PPP1CC: variants seen among roughly 807,000 people sequenced by gnomAD.
The protein encoded by PPP1CC is protein phosphatase 1 catalytic subunit gamma.
In PPP1CC, 16 loss-of-function variants were observed where a neutral mutation model predicts 38.4. The ratio of observed to expected loss-of-function variants is 0.42; its 90% CI spans 0.28 to 0.63. PPP1CC has a LOEUF of 0.63. Among genes scored for constraint, PPP1CC ranks in the 30% least tolerant of loss-of-function variants. The pLI is 0.25. For synonymous variants in PPP1CC, 158 were observed against 136.0 expected (o/e 1.16, Z -1.13); for missense variants, 170 against 391.3 (o/e 0.43, Z 4.77).
chr12:110,739,298 ACT>A (rs1333937132), intron 1 of PPP1CC, among the ~76,000 whole-genome samples: 2 of 151,728 alleles, frequency 1.3e-5, no homozygotes, highest in Non-Finnish European at 2.9e-5. Context: ...ACAGAGTGAG[ACT>A]CTGTCTCCAA....
At chr12:110,716,088 TATGTCTTCCTTCTCAATTC>T, downstream of PPP1CC, among the ~76,000 whole-genome samples, 1 of 149,200 alleles carries the variant, frequency 6.7e-6, no homozygotes, top group African/African-American at 2.5e-5. Flanking sequence ...GGTAAAGACT[TATGTCTTCCTTCTCAATTC>T]CTAGACTTAA....
chr12:110,714,085 C>A, the PPP1CC span, among the ~76,000 whole-genome samples: 19 of 152,134 alleles, frequency 1.2e-4, no homozygotes, highest in African/African-American at 3.4e-4. Flanking sequence ...GGTGCCAGAG[C>A]AAGACTACAA....
At position 110,727,297 on chromosome 12, in the gene PPP1CC, C is replaced by T. The variant is rs141073857; in HGVS notation, c.419-2533G>A. 1.5e-3 allele frequency among the ~76,000 whole-genome samples: 225 copies of T among 152,340 alleles called. 1 individual carries two copies. Among genetic ancestry groups the T allele is most frequent in the African/African-American group, 5.1e-3 (211 of 41,574 alleles). ...CATACTCCAGCTTCTCCTGCTGATT[C>T]CTGCTGGCTTCTCCATCAAAAATCA... On this transcript the variant is annotated intron_variant, in intron 3 of 6. Transcript: ENST00000335007.
intron 1 of PPP1CC, among the ~76,000 whole-genome samples, chr12:110,735,689 C>A (rs151213638): frequency 6.7e-6 from 1 of 149,334 alleles, no homozygotes. Flanking sequence ...GGCTGAGGCA[C>A]GAGAATCACT....
intron 3 of PPP1CC, chr12:110,726,467 C>T (rs1223957784): frequency 6.6e-6 from 1 of 152,130 alleles, no homozygotes; most frequent in South Asian, 2.1e-4. Flanking sequence ...ATTGCTTGAA[C>T]CTGGGAGGCA....
Position 110,742,507 on chromosome 12 carries a change from C to T in PPP1CC, c.55+146G>A, listed in dbSNP as rs989183478. 4.5e-5 allele frequency: 28 copies of T among 628,060 alleles called. No homozygotes were observed. In the South Asian group the frequency reaches 1.2e-3, roughly 27 times the overall value. The allele number at this position is 628,060 out of a possible 1,614,324, so 38.9% of individuals were successfully genotyped here. A position where few individuals can be genotyped will look rare whatever the true frequency, so the allele number is the denominator to read the frequency against. The stretch of plus-strand genomic sequence containing the variant: ...GGGCTGGCCTCCCTCCGGCTGCAGT[C>T]CCCGGCCCGTGGGCCAACTCGAGGA... On this transcript the variant is annotated intron_variant, in intron 1 of 6. Coordinates refer to ENST00000335007, the MANE Select transcript of PPP1CC (RefSeq NM_002710.4).
In PPP1CC at chr12:110,722,708, G is replaced by GA. The variant is rs755061478; in HGVS notation, c.524-14dup. On this transcript the variant is annotated splice_polypyrimidine_tract_variant and intron_variant, in intron 4 of 6. Transcript: ENST00000335007. This position sits in a 1 kb window ranked among gnomAD's most constrained non-coding sequence, Gnocchi z 5.4. ...TCTGGTGATAAACCTATTCAATGAG[G>GA]AAAAAAAAAAAATGAAGAAAGCAGA... 59,406 of 1,088,400 alleles carry GA rather than the reference G, an allele frequency of 0.055. 110 individuals carry two copies. Among genetic ancestry groups the GA allele is most frequent in the Admixed American group, 0.15 (5,899 of 38,838 alleles). The allele number at this position is 1,088,400 out of a possible 1,614,324, so 67.4% of individuals were successfully genotyped here.
At chr12:110,715,327 A>T (rs2069679372), downstream of PPP1CC, among the ~76,000 whole-genome samples, 1 of 151,972 alleles carries the variant, frequency 6.6e-6, no homozygotes, top group Non-Finnish European at 1.5e-5. Flanking sequence ...ATTCTATCAA[A>T]AATTATTTTT....
intron 3 of PPP1CC, chr12:110,725,528 C>T (rs1566083092): frequency 6.6e-6 from 1 of 152,310 alleles, no homozygotes; most frequent in African/African-American, 2.4e-5. Context: ...TCCCACAGGC[C>T]TGATGTCACA....
At chr12:110,715,618 T>C (rs1033926569), downstream of PPP1CC, among the ~76,000 whole-genome samples, 1 of 152,064 alleles carries the variant, frequency 6.6e-6, no homozygotes, top group African/African-American at 2.4e-5. Flanking sequence ...TGGGCTGGTA[T>C]GCTACTTTTT....
At chr12:110,742,505 G>A (rs1310647631) in intron 1 of PPP1CC, 148 bp downstream of exon 1, 5 of 617,338 alleles carry the variant, frequency 8.1e-6, no homozygotes, top group Non-Finnish European at 1.2e-5. Flanking sequence ...TCCGGCTGCA[G>A]TCCCCGGCCC....
intron 3 of PPP1CC, chr12:110,726,564 T>C (rs7960749): frequency 0.17 from 25,189 of 152,214 alleles, 3,088 homozygotes; most frequent in African/African-American, 0.35. Flanking sequence ...GCAAACTCCT[T>C]CTTACGAAAG....
intron 1 of PPP1CC, among the ~76,000 whole-genome samples, chr12:110,736,234 G>A (rs1388326558): frequency 1.3e-5 from 2 of 152,288 alleles, no homozygotes; most frequent in East Asian, 1.9e-4. Flanking sequence ...TGTTAAAAGC[G>A]AAGGTTGCTC....
chr12:110,720,080 A>AAAT lies in PPP1CC; in HGVS notation c.*995_*996insATT. 1 of 1,461,916 alleles carries AAAT rather than the reference A, an allele frequency of 6.8e-7. No individual in the cohort carries two copies. Among genetic ancestry groups the AAAT allele is most frequent in the East Asian group, 2.5e-5 (1 of 40,682 alleles). 90.6% of individuals were successfully genotyped at this position (1,461,916 alleles called of 1,614,324 possible). Reference sequence around the variant, plus strand: ...AGTTAGTTCCTTTGTTTTAACTTATAAGCCTCAACTTCACCGCAGAATAAA... The same window carrying AAAT: ...AGTTAGTTCCTTTGTTTTAACTTATAAATAGCCTCAACTTCACCGCAGAATAAA... On this transcript the variant is annotated 3_prime_UTR_variant, in exon 7 of 7. Transcript: ENST00000335007.
chr12:110,740,620 T>A (rs1039152227), intron 1 of PPP1CC, among the ~76,000 whole-genome samples: 1 of 152,184 alleles, frequency 6.6e-6, no homozygotes, highest in African/African-American at 2.4e-5. Flanking sequence ...TAAAATGCAC[T>A]GCTTTATTAA....
At chr12:110,736,487 T>G (rs746373292) in intron 1 of PPP1CC, among the ~76,000 whole-genome samples, 18 of 151,942 alleles carry the variant, frequency 1.2e-4, no homozygotes, top group Admixed American at 9.8e-4. Flanking sequence ...CTACCAAAAA[T>G]ACAAAATATA....
chr12:110,730,083 G>A (rs759814941), intron 3 of PPP1CC, among the ~76,000 whole-genome samples: 1 of 152,248 alleles, frequency 6.6e-6, no homozygotes, highest in African/African-American at 2.4e-5. Flanking sequence ...AACTGGCTGG[G>A]CATCATGGCT....
chr12:110,730,484 A>G (rs2069859635), intron 3 of PPP1CC, 45 bp downstream of exon 3: 2 of 1,379,336 alleles, frequency 1.4e-6, no homozygotes, highest in Non-Finnish European at 2.0e-6. Context: ...TATGATAAAT[A>G]TCTTAATTTC....
chr12:110,730,690 T>G lies in PPP1CC; in HGVS notation c.257A>C (p.Asn86Thr). 6.2e-7 allele frequency: 1 copy of G among 1,614,180 alleles called. No individual in the cohort carries two copies. The highest frequency in any genetic ancestry group is 8.5e-7 in the Non-Finnish European group (1 of 1,180,030). Residue 86 changes from asparagine to threonine, a missense_variant, in exon 3 of 7, where the codon AAC becomes ACC. This residue lies in a region of PPP1CC where 117 missense variants were observed against 344.4 expected (regional missense o/e 0.34). Coordinates refer to ENST00000335007, the MANE Select transcript of PPP1CC (RefSeq NM_002710.4). Reference protein sequence around the residue: ...FEYGGFPPESNYLFLGDYVDR... With the variant: ...FEYGGFPPESTYLFLGDYVDR... ...CACATAGTCCCCAAGAAACAGGTAG[T>G]TGCTTTCTGGTGGGAAACCACCGTA...
Sources: allele counts gnomAD v4.1 joint callset (sites outside exome capture counted in the v4.1 genomes callset), GRCh38; gene constraint gnomAD v4.1.1; regional missense constraint gnomAD v4.1.1; non-coding constraint Gnocchi (gnomAD v3.1); transcripts MANE v1.5; gene names NCBI Gene and HGNC (gene_info 2026-07-23, HGNC 2026-07-21).